The following CIROZ variants were observed in gnomAD, a reference collection of about 807,000 sequenced individuals.
CIROZ encodes the protein ciliated left-right organizer ZP-N domains-containing protein.
At chr1:10,962,450 A>AAAAT in the CIROZ span, among the ~76,000 whole-genome samples, 1 of 152,200 alleles carries the variant, frequency 6.6e-6, no homozygotes, top group African/African-American at 2.4e-5. Flanking sequence ...GCATCTCAAA[A>AAAAT]AAATAAATAA....
the CIROZ span, chr1:10,958,699 A>G: frequency 1.0e-4 from 167 of 1,614,056 alleles, 1 homozygote; most frequent in Middle Eastern, 6.6e-4. Flanking sequence ...TGCTACTTCA[A>G]TGGGGCCCGC....
At chr1:10,948,691 G>C in the CIROZ span, 6 of 1,598,946 alleles carry the variant, frequency 3.8e-6, no homozygotes, top group Non-Finnish European at 5.1e-6. Context: ...TCCGAGGGGA[G>C]CGTGGCTGGA....
the CIROZ span, among the ~76,000 whole-genome samples, chr1:10,977,671 A>G: frequency 6.6e-6 from 1 of 152,058 alleles, no homozygotes; most frequent in Non-Finnish European, 1.5e-5. Context: ...AGCCAATGGA[A>G]CCTCCCCCAT....
the CIROZ span, among the ~76,000 whole-genome samples, chr1:10,969,683 C>CGT: frequency 4.8e-4 from 73 of 152,298 alleles, no homozygotes; most frequent in African/African-American, 1.7e-3. Context: ...GCACGTGGGC[C>CGT]GTGCCCTCAC....
chr1:10,948,084 C>A, the CIROZ span: 1 of 1,613,460 alleles, frequency 6.2e-7, no homozygotes, highest in Non-Finnish European at 8.5e-7. Flanking sequence ...GAGTTCAGGT[C>A]CTGAACTCAG....
At chr1:10,968,998 G>A in the CIROZ span, among the ~76,000 whole-genome samples, 8 of 152,302 alleles carry the variant, frequency 5.3e-5, no homozygotes, top group African/African-American at 1.7e-4. Flanking sequence ...CTTTTCTCCT[G>A]GAAAAGTGGC....
At chr1:10,947,874 C>A in the CIROZ span, 18 of 1,611,660 alleles carry the variant, frequency 1.1e-5, no homozygotes, top group South Asian at 1.8e-4. Flanking sequence ...GGATGGAGGG[C>A]TGGACGTGTG....
chr1:10,957,585 C>T, the CIROZ span: 2 of 1,611,784 alleles, frequency 1.2e-6, no homozygotes, highest in East Asian at 2.2e-5. Context: ...GGCCCCTCAC[C>T]TCCTGGCAGA....
At chr1:10,954,182 G>A in the CIROZ span, 136 of 1,591,578 alleles carry the variant, frequency 8.5e-5, no homozygotes, top group Non-Finnish European at 1.1e-4. Flanking sequence ...TTGGCTGGGC[G>A]CAGTGGCTCA....
At chr1:10,967,930 C>T in the CIROZ span, among the ~76,000 whole-genome samples, 19 of 152,130 alleles carry the variant, frequency 1.2e-4, no homozygotes, top group Non-Finnish European at 2.5e-4. Context: ...GCCAAGGTCG[C>T]GCCACTGCAC....
the CIROZ span, among the ~76,000 whole-genome samples, chr1:10,961,427 TTAG>T: frequency 0.014 from 2,173 of 152,200 alleles, 48 homozygotes; most frequent in African/African-American, 0.049. Flanking sequence ...CAAAGGAACT[TTAG>T]AGAGTCCAAC....
At chr1:10,962,166 C>T in the CIROZ span, among the ~76,000 whole-genome samples, 4 of 152,076 alleles carry the variant, frequency 2.6e-5, no homozygotes, top group African/African-American at 9.7e-5. Context: ...AGTGACTTGA[C>T]CGGGCGTGGT....
At chr1:10,980,926 C>G in the CIROZ span, among the ~76,000 whole-genome samples, 3 of 152,324 alleles carry the variant, frequency 2.0e-5, no homozygotes, top group East Asian at 5.8e-4. Context: ...TCGCCCAGCC[C>G]CACAAAGCCC....
the CIROZ span, among the ~76,000 whole-genome samples, chr1:10,981,043 A>G: frequency 6.6e-6 from 1 of 152,278 alleles, no homozygotes; most frequent in African/African-American, 2.4e-5. Flanking sequence ...AGCTATTGTG[A>G]CATTCCAGCT....
At chr1:10,973,869 T>A in the CIROZ span, among the ~76,000 whole-genome samples, 1 of 152,090 alleles carries the variant, frequency 6.6e-6, no homozygotes, top group African/African-American at 2.4e-5. Flanking sequence ...AGGCAGGATC[T>A]GCCTTCCCGG....
the CIROZ span, among the ~76,000 whole-genome samples, chr1:10,961,758 A>G: frequency 1.3e-5 from 2 of 152,144 alleles, no homozygotes; most frequent in Non-Finnish European, 1.5e-5. Flanking sequence ...AGCCTGGCCA[A>G]CATGGTGAAA....
At chr1:10,977,381 G>T in the CIROZ span, among the ~76,000 whole-genome samples, 4 of 139,694 alleles carry the variant, frequency 2.9e-5, no homozygotes, top group East Asian at 1.9e-4. Flanking sequence ...TACTCGGGAG[G>T]CTGAGACAAG....
chr1:10,978,889 G>A, the CIROZ span, among the ~76,000 whole-genome samples: 1 of 152,136 alleles, frequency 6.6e-6, no homozygotes, highest in Admixed American at 6.6e-5. Context: ...AAAAAGGAGA[G>A]GGGCAGGCAG....
At chr1:10,949,736 G>T in the CIROZ span, 1 of 1,589,508 alleles carries the variant, frequency 6.3e-7, no homozygotes, top group Non-Finnish European at 8.6e-7. Context: ...TCCCGCTGGA[G>T]GGGTCTCTGG....
Sources: allele counts gnomAD v4.1 joint callset (sites outside exome capture counted in the v4.1 genomes callset), GRCh38; gene constraint gnomAD v4.1.1; transcripts MANE v1.5; gene names NCBI Gene and HGNC (gene_info 2026-07-23, HGNC 2026-07-21).